Variants in DCDC1 observed in about 807,000 individuals in gnomAD.
DCDC1 encodes the protein doublecortin domain containing 1.
In DCDC1, 200 loss-of-function variants were observed where a neutral mutation model predicts 178.3. The observed-to-expected ratio is 1.12, with a 90% confidence interval of 1.00 to 1.26. The LOEUF is 1.26. DCDC1 is among the 50% of genes most tolerant of loss of function. The pLI, the probability that DCDC1 is intolerant of heterozygous loss-of-function variation, is 0.00. For synonymous variants in DCDC1, 690 were observed against 604.8 expected, an observed-to-expected ratio of 1.14 and a Z score of -2.07; for missense variants, 1,983 against 1,749.2, an observed-to-expected ratio of 1.13 and a Z score of -2.38.
chr11:31,153,555 G>T (rs910495259), intron 9 of DCDC1, among the ~76,000 whole-genome samples: 3 of 152,184 alleles, frequency 2.0e-5, no homozygotes, highest in Non-Finnish European at 2.9e-5. Context: ...GGCCGAGGCG[G>T]GCGGATCACT....
chr11:31,354,952 T>C (rs769232461), intron 1 of DCDC1, among the ~76,000 whole-genome samples: 10 of 152,010 alleles, frequency 6.6e-5, no homozygotes, highest in Non-Finnish European at 1.0e-4. Context: ...TTTTTCCCTG[T>C]AGAGCTCTTA....
intron 21 of DCDC1, among the ~76,000 whole-genome samples, chr11:30,945,515 G>A (rs1374246277): frequency 6.6e-6 from 1 of 151,738 alleles, no homozygotes; most frequent in Non-Finnish European, 1.5e-5. Flanking sequence ...CCAACATGGT[G>A]AAACCCTACC....
At chr11:31,093,614 C>T (rs1171348974) in intron 16 of DCDC1, among the ~76,000 whole-genome samples, 1 of 152,168 alleles carries the variant, frequency 6.6e-6, no homozygotes, top group African/African-American at 2.4e-5. Flanking sequence ...CATGTTTATA[C>T]TCAGGGATTT....
chr11:31,139,324 C>G (rs1963541496), intron 9 of DCDC1, among the ~76,000 whole-genome samples: 1 of 152,080 alleles, frequency 6.6e-6, no homozygotes, highest in Admixed American at 6.6e-5. Flanking sequence ...TTTGAAAAAT[C>G]ATTATGTGAA....
At chr11:31,137,461 T>C (rs1177054079) in intron 10 of DCDC1, among the ~76,000 whole-genome samples, 3 of 151,594 alleles carry the variant, frequency 2.0e-5, no homozygotes, top group Non-Finnish European at 2.9e-5. Flanking sequence ...GCGATTCTCC[T>C]GCCTCAGCCT....
chr11:30,931,367 T>C (rs906559011), intron 22 of DCDC1, among the ~76,000 whole-genome samples: 2 of 152,144 alleles, frequency 1.3e-5, no homozygotes, highest in Non-Finnish European at 2.9e-5. Flanking sequence ...CATTAAATAT[T>C]CTAAAGATTT....
chr11:30,976,571 AT>A (rs1236134361), intron 20 of DCDC1, among the ~76,000 whole-genome samples: 5 of 152,160 alleles, frequency 3.3e-5, no homozygotes, highest in Admixed American at 6.5e-5. Context: ...GCCAACAGGC[AT>A]TTGAAAAAAT....
At chr11:31,351,033 G>T (rs2133296876) in intron 1 of DCDC1, among the ~76,000 whole-genome samples, 1 of 151,918 alleles carries the variant, frequency 6.6e-6, no homozygotes, top group African/African-American at 2.4e-5. Flanking sequence ...CATAAAAACA[G>T]GAGACATCAA....
intron 9 of DCDC1, among the ~76,000 whole-genome samples, chr11:31,173,729 C>T (rs183972549): frequency 2.8e-4 from 36 of 129,202 alleles, no homozygotes; most frequent in African/African-American, 9.0e-4. Context: ...TGTTCCTCTT[C>T]ACACACTTAC....
Position 30,908,995 on chromosome 11 carries a change from G to T in DCDC1, c.3869C>A (p.Ala1290Asp). The T allele has an allele frequency of 2.5e-6, 4 of 1,610,140 alleles. No individual in the cohort carries two copies. The highest frequency in any genetic ancestry group is 2.5e-6 in the Non-Finnish European group (3 of 1,177,498). ...LDKEITSANYAGVCTSSVIKE... is the reference protein window; with the variant it reads ...LDKEITSANYDGVCTSSVIKE... ...AATCACAGATGATGTACAGACACCA[G>T]CATAATTTGCTGATGTAATTTCCTT... The change falls in exon 29 of 39, where the codon GCT (alanine) becomes GAT (aspartate). Residue 1290 changes from alanine to aspartate, a missense_variant. Coordinates refer to ENST00000684477, the MANE Select transcript of DCDC1 (RefSeq NM_001387274.1).
intron 20 of DCDC1, among the ~76,000 whole-genome samples, chr11:31,058,170 T>C (rs997547813): frequency 1.8e-4 from 28 of 152,194 alleles, no homozygotes; most frequent in Middle Eastern, 3.2e-3. Context: ...CAGTTTTGGA[T>C]TGACACACGA....
intron 1 of DCDC1, among the ~76,000 whole-genome samples, chr11:31,368,333 G>T (rs1362294503): frequency 1.3e-5 from 2 of 152,168 alleles, no homozygotes; most frequent in Non-Finnish European, 2.9e-5. Context: ...GAGTACCGGA[G>T]CATATCTACC....
chr11:31,070,933 T>C (rs1433182076), intron 18 of DCDC1, among the ~76,000 whole-genome samples: 5 of 152,200 alleles, frequency 3.3e-5, no homozygotes. Context: ...ATACTCTACC[T>C]ACTCTTGGTC....
chr11:31,126,798 T>C (rs1158511186), intron 11 of DCDC1, among the ~76,000 whole-genome samples: 1 of 152,190 alleles, frequency 6.6e-6, no homozygotes, highest in Non-Finnish European at 1.5e-5. Flanking sequence ...ATATCTGCTA[T>C]GAAAATCAAA....
rs1940858034 is a variant in DCDC1, at chr11:30,865,004, A to G, written c.*369T>C. 1 of 151,802 alleles carries G rather than the reference A, an allele frequency of 6.6e-6. No individual in the cohort carries two copies. Among genetic ancestry groups the G allele is most frequent in the African/African-American group, 2.4e-5 (1 of 41,316 alleles). 9.4% of individuals were successfully genotyped at this position (151,802 alleles called of 1,614,324 possible). ...TGCAGAGGCCTCCACTTTTTATTTC[A>G]GTTGTACTCATCTGTCCCACTGTGC... is the stretch of plus-strand genomic sequence containing the variant. On this transcript the variant is annotated 3_prime_UTR_variant, in exon 39 of 39. Transcript: ENST00000684477.
At chr11:30,867,318 G>T (rs2133899062) in intron 38 of DCDC1, among the ~76,000 whole-genome samples, 1 of 152,334 alleles carries the variant, frequency 6.6e-6, no homozygotes, top group Middle Eastern at 3.4e-3. Context: ...CCACTTATTG[G>T]CTGGTGCCTT....
intron 9 of DCDC1, among the ~76,000 whole-genome samples, chr11:31,230,293 G>C (rs1180264298): frequency 2.0e-5 from 3 of 151,074 alleles, no homozygotes; most frequent in Non-Finnish European, 4.4e-5. Flanking sequence ...TGGGTAAATG[G>C]GTGAATGTAA....
chr11:31,081,181 CAGAATGTTACT>C (rs1399650078), intron 17 of DCDC1, among the ~76,000 whole-genome samples: 2 of 152,104 alleles, frequency 1.3e-5, no homozygotes, highest in Non-Finnish European at 2.9e-5. Context: ...AATAAAGTGT[CAGAATGTTACT>C]ACCCTAAAAA....
chr11:31,153,192 C>A (rs935911202), intron 9 of DCDC1, among the ~76,000 whole-genome samples: 1 of 152,174 alleles, frequency 6.6e-6, no homozygotes, highest in African/African-American at 2.4e-5. Context: ...AGGTTAGAAA[C>A]CCAAGCTCTT....
Sources: gnomAD v4.1 joint callset for allele counts (sites outside exome capture counted in the v4.1 genomes callset) on GRCh38, gnomAD v4.1.1 for gene constraint, MANE v1.5 for transcripts, NCBI Gene and HGNC (gene_info 2026-07-23, HGNC 2026-07-21) for gene names.